ASTN2: variants seen among roughly 807,000 people sequenced by gnomAD.
The protein encoded by ASTN2 is astrotactin-2.
Under a neutral mutation model 139.8 loss-of-function variants are expected in ASTN2, and 54 were observed. The observed-to-expected ratio is 0.39, with a 90% CI of 0.31 to 0.48. ASTN2 has a LOEUF of 0.48. Among genes scored for constraint, ASTN2 ranks in the 20% least tolerant of loss-of-function variants. The pLI, the probability that ASTN2 is intolerant of heterozygous loss-of-function variation, is 0.95. For missense variants in ASTN2, 1,565 were observed against 1,725.1 expected, an observed-to-expected ratio of 0.91 and a Z score of 1.64; for synonymous variants, 756 against 719.5, an observed-to-expected ratio of 1.05 and a Z score of -0.81.
intron 3 of ASTN2, among the ~76,000 whole-genome samples, chr9:117,143,129 T>C (rs1474944849): frequency 6.6e-6 from 1 of 152,200 alleles, no homozygotes; most frequent in African/African-American, 2.4e-5. Flanking sequence ...AAGTCCCATC[T>C]TGAGGGTTAT....
At chr9:117,310,614 C>T (rs894465294) in intron 1 of ASTN2, among the ~76,000 whole-genome samples, 19 of 151,938 alleles carry the variant, frequency 1.3e-4, no homozygotes, top group African/African-American at 3.9e-4. Flanking sequence ...TTCCTGGGCA[C>T]GGTTTTGTTG....
intron 1 of ASTN2, among the ~76,000 whole-genome samples, chr9:117,393,061 T>A (rs1233529159): frequency 1.3e-5 from 2 of 152,238 alleles, no homozygotes; most frequent in Non-Finnish European, 2.9e-5. Context: ...CTGTCAGGAA[T>A]GTGGAGGTTC....
intron 13 of ASTN2, among the ~76,000 whole-genome samples, chr9:116,759,688 C>T (rs1184517387): frequency 1.3e-5 from 2 of 152,134 alleles, no homozygotes; most frequent in African/African-American, 4.8e-5. Flanking sequence ...CAAAACTTTC[C>T]AATTCCTTAT....
In ASTN2 at chr9:116,475,044, C is replaced by T. The variant is rs140454854; in HGVS notation, c.3497+12315G>A. Among the ~76,000 whole-genome samples the T allele has an allele frequency of 3.4e-3, 517 of 152,328 alleles. 3 individuals carry two copies. The highest frequency in any genetic ancestry group is 0.011 in the African/African-American group (461 of 41,576). The stretch of plus-strand genomic sequence containing the variant: ...GAGTCTCTTGGGGTCTCAGCTTCCT[C>T]ATCTATACACTGAGAGAAGTGGCCT... On this transcript the variant is annotated intron_variant, in intron 20 of 22. Transcript: ENST00000313400.
chr9:116,456,717 A>G (rs1848344485), intron 20 of ASTN2, among the ~76,000 whole-genome samples: 1 of 152,208 alleles, frequency 6.6e-6, no homozygotes. Flanking sequence ...TGAGAACAGC[A>G]CACGAAAGAA....
intron 1 of ASTN2, among the ~76,000 whole-genome samples, chr9:117,329,267 T>G (rs1161948716): frequency 6.6e-6 from 1 of 151,984 alleles, no homozygotes; most frequent in African/African-American, 2.4e-5. Context: ...ACAAGATTTT[T>G]TTTGAAAACA....
At chr9:116,870,469 C>A (rs1384905941) in intron 10 of ASTN2, among the ~76,000 whole-genome samples, 1 of 152,210 alleles carries the variant, frequency 6.6e-6, no homozygotes, top group Admixed American at 6.5e-5. Context: ...ATGCCACATA[C>A]TGAGCTGATT....
chr9:116,443,681 T>C (rs977103052), intron 20 of ASTN2, among the ~76,000 whole-genome samples: 4 of 152,102 alleles, frequency 2.6e-5, no homozygotes, highest in African/African-American at 9.7e-5. Context: ...ACTTTCTAGA[T>C]GATGTGAGCC....
chr9:116,880,622 G>A (rs1478860029), intron 10 of ASTN2, among the ~76,000 whole-genome samples: 1 of 152,192 alleles, frequency 6.6e-6, no homozygotes, highest in Non-Finnish European at 1.5e-5. Flanking sequence ...TCCTCCAAGG[G>A]TGGCTGGAGA....
intron 10 of ASTN2, among the ~76,000 whole-genome samples, chr9:116,903,994 T>C (rs1313342678): frequency 5.9e-5 from 9 of 152,290 alleles, no homozygotes; most frequent in East Asian, 3.9e-4. Context: ...CTCAGATCAT[T>C]AGTTGCATTT....
At chr9:117,409,043 GA>G (rs1313207206) in intron 1 of ASTN2, among the ~76,000 whole-genome samples, 1 of 152,166 alleles carries the variant, frequency 6.6e-6, no homozygotes, top group East Asian at 1.9e-4. Context: ...ATGGGAACTT[GA>G]AGTTTGACTG....
intron 16 of ASTN2, among the ~76,000 whole-genome samples, chr9:116,706,760 A>ATTTTTTTTTTTTTTTTTTTTTTTTTTTTT (rs60395133): frequency 1.1e-5 from 1 of 88,058 alleles, no homozygotes. Context: ...GCTGGCTAGA[A>ATTTTTTTTTTTTTTTTTTTTTTTTTTTTT]TTTTTTTTTT....
At chr9:116,533,514 T>A (rs1411633419) in intron 19 of ASTN2, among the ~76,000 whole-genome samples, 1 of 152,180 alleles carries the variant, frequency 6.6e-6, no homozygotes. Context: ...AAATAGCTCT[T>A]ATTATTTTCA....
intron 10 of ASTN2, among the ~76,000 whole-genome samples, chr9:116,917,414 C>T (rs1022651510): frequency 3.6e-4 from 55 of 152,118 alleles, no homozygotes; most frequent in African/African-American, 1.3e-3. Flanking sequence ...CCGTTCCATG[C>T]ACAGGGCTTA....
At chr9:117,292,716 A>G (rs887144843) in intron 1 of ASTN2, among the ~76,000 whole-genome samples, 4 of 152,110 alleles carry the variant, frequency 2.6e-5, no homozygotes, top group African/African-American at 9.7e-5. Context: ...ACACACAAAC[A>G]CACACACACG....
chr9:117,064,031 T>G (rs993989522), intron 5 of ASTN2, among the ~76,000 whole-genome samples: 3 of 152,074 alleles, frequency 2.0e-5, no homozygotes, highest in Non-Finnish European at 4.4e-5. Context: ...TTGGCTGCCC[T>G]GAGCATGTCA....
intron 20 of ASTN2, among the ~76,000 whole-genome samples, chr9:116,451,725 C>A (rs774796292): frequency 3.6e-4 from 55 of 152,130 alleles, no homozygotes; most frequent in Non-Finnish European, 6.9e-4. Context: ...ACAGGACTCT[C>A]ATTTTTTTGT....
At chr9:117,222,434 T>C (rs1009664048) in intron 2 of ASTN2, among the ~76,000 whole-genome samples, 5 of 151,968 alleles carry the variant, frequency 3.3e-5, no homozygotes, top group Non-Finnish European at 4.4e-5. Context: ...GAAAGGAGAC[T>C]TGTCAGAGTA....
intron 2 of ASTN2, among the ~76,000 whole-genome samples, chr9:117,233,647 G>T (rs1832961317): frequency 6.6e-6 from 1 of 151,940 alleles, no homozygotes; most frequent in Non-Finnish European, 1.5e-5. Flanking sequence ...CTATTTATTT[G>T]ACTCAGTGCC....
Sources: allele counts gnomAD v4.1 joint callset (sites outside exome capture counted in the v4.1 genomes callset), GRCh38; gene constraint gnomAD v4.1.1; transcripts MANE v1.5; gene names NCBI Gene and HGNC (gene_info 2026-07-23, HGNC 2026-07-21).